Variants in EXOC4 observed in about 807,000 individuals in gnomAD.
EXOC4 encodes exocyst complex component 4, also known as SEC8-like 1.
Under a neutral mutation model 107.2 loss-of-function variants are expected in EXOC4, and 71 were observed. The observed-to-expected ratio is 0.66, with a 90% CI of 0.55 to 0.81. The LOEUF is 0.81. Among genes scored for constraint, EXOC4 ranks in the 30% least tolerant of loss-of-function variants. EXOC4 has a pLI of 0.00. For missense variants in EXOC4, 1,108 were observed against 1,189.6 expected (o/e 0.93, Z 1.01); for synonymous variants, 456 against 441.2 (o/e 1.03, Z -0.42).
chr7:133,383,284 A>G (rs1274347571), intron 7 of EXOC4, among the ~76,000 whole-genome samples: 1 of 152,106 alleles, frequency 6.6e-6, no homozygotes, highest in African/African-American at 2.4e-5. Flanking sequence ...TTTTTTTCAC[A>G]TCTCATTTCA....
At chr7:133,654,527 T>C (rs1585056995) in intron 10 of EXOC4, among the ~76,000 whole-genome samples, 1 of 152,116 alleles carries the variant, frequency 6.6e-6, no homozygotes, top group East Asian at 1.9e-4. Context: ...GATTAACACT[T>C]TTAGAGGATC....
rs560299833 is a variant in EXOC4 at position 133,788,071 on chromosome 7, C to T, written c.1515-29254C>T. Among the ~76,000 whole-genome samples the T allele has an allele frequency of 2.9e-5, 4 of 138,934 alleles. No individual in the cohort carries two copies. The South Asian group carries it at 9.3e-4, about 32-fold the overall frequency. 91.1% of individuals were successfully genotyped at this position (138,934 alleles called of 152,430 possible). On this transcript the variant is annotated intron_variant, in intron 10 of 17. Coordinates refer to ENST00000253861, the MANE Select transcript of EXOC4 (RefSeq NM_021807.4). ...GTTCATATAGCTTCTAAACACTGCACTTGCTGGGTTCTTGGTTGGTTCTTC... is the reference window on the plus strand; with the variant it reads ...GTTCATATAGCTTCTAAACACTGCATTTGCTGGGTTCTTGGTTGGTTCTTC...
At chr7:133,521,340 C>T (rs1799973926) in intron 9 of EXOC4, among the ~76,000 whole-genome samples, 1 of 152,032 alleles carries the variant, frequency 6.6e-6, no homozygotes, top group African/African-American at 2.4e-5. Context: ...AATTTTTCTT[C>T]CATGATTTTC....
chr7:134,009,458 T>C (rs1199638362), intron 17 of EXOC4, among the ~76,000 whole-genome samples: 1 of 152,176 alleles, frequency 6.6e-6, no homozygotes, highest in African/African-American at 2.4e-5. Flanking sequence ...TTTCTGTCCT[T>C]CTCCTTCCCT....
At chr7:133,432,078 A>G (rs896919373) in intron 7 of EXOC4, among the ~76,000 whole-genome samples, 2 of 152,208 alleles carry the variant, frequency 1.3e-5, no homozygotes, top group African/African-American at 2.4e-5. Context: ...AGGGAGGATC[A>G]TAAGTCTACT....
chr7:133,866,836 A>C (rs1334371208), intron 11 of EXOC4, among the ~76,000 whole-genome samples: 1 of 152,220 alleles, frequency 6.6e-6, no homozygotes, highest in African/African-American at 2.4e-5. Flanking sequence ...CAATCAAGCT[A>C]ACTAACACAT....
chr7:134,008,823 G>T (rs1044292424), intron 17 of EXOC4, among the ~76,000 whole-genome samples: 2 of 151,842 alleles, frequency 1.3e-5, no homozygotes, highest in South Asian at 2.1e-4. Context: ...TAGAGACAGG[G>T]TCTCACTATG....
chr7:133,631,499 A>T (rs934844774), intron 10 of EXOC4, among the ~76,000 whole-genome samples: 1 of 152,098 alleles, frequency 6.6e-6, no homozygotes, highest in East Asian at 1.9e-4. Context: ...ATACAAAAAC[A>T]TAAATATGTA....
rs905983569 is a variant in EXOC4 at position 133,735,852 on chromosome 7, C to T, written c.1515-81473C>T. 8.5e-5 allele frequency among the ~76,000 whole-genome samples: 13 copies of T among 152,076 alleles called. No homozygotes were observed. The East Asian group carries it at 9.7e-4, about 11-fold the overall frequency. ...CTGTAATCTCAGCACCTTGGGAGGC[C>T]GAGGCAGGCAGATCACTTGAGGTTA... On this transcript the variant is annotated intron_variant, in intron 10 of 17. Transcript: ENST00000253861.
intron 2 of EXOC4, among the ~76,000 whole-genome samples, chr7:133,277,826 C>A (rs1794032803): frequency 6.6e-6 from 1 of 152,190 alleles, no homozygotes; most frequent in African/African-American, 2.4e-5. Flanking sequence ...CAGTCCATTT[C>A]TTGTCACCAA....
chr7:133,259,761 T>C (rs1795101548), intron 1 of EXOC4, among the ~76,000 whole-genome samples: 1 of 152,202 alleles, frequency 6.6e-6, no homozygotes, highest in Admixed American at 6.5e-5. Flanking sequence ...CCCTTTTCTA[T>C]GTGAATGTAT....
intron 14 of EXOC4, among the ~76,000 whole-genome samples, chr7:133,984,908 A>G (rs933800298): frequency 6.6e-6 from 1 of 152,200 alleles, no homozygotes; most frequent in Non-Finnish European, 1.5e-5. Flanking sequence ...AGAATAAATT[A>G]TATTCCTCTG....
intron 12 of EXOC4, among the ~76,000 whole-genome samples, chr7:133,901,612 A>G (rs1484336508): frequency 6.6e-6 from 1 of 152,176 alleles, no homozygotes; most frequent in Non-Finnish European, 1.5e-5. Context: ...AAAATTGTCA[A>G]TCTTTTATAA....
At position 133,554,962 on chromosome 7, in the gene EXOC4, A is replaced by G. The variant is rs148534897; in HGVS notation, c.1417+74824A>G. ...GGTATAGCAGCATGTCATGATTTCTATGGATAGAAAATATTGGGGAAAGCA... is the reference window on the plus strand; with the variant it reads ...GGTATAGCAGCATGTCATGATTTCTGTGGATAGAAAATATTGGGGAAAGCA... On this transcript the variant is annotated intron_variant, in intron 9 of 17. Transcript: ENST00000253861. Among the ~76,000 whole-genome samples the G allele has an allele frequency of 6.2e-3, 946 of 152,296 alleles. 10 individuals are homozygous for G. Among genetic ancestry groups the G allele is most frequent in the African/African-American group, 0.022 (896 of 41,562 alleles).
chr7:133,503,448 A>G lies in EXOC4; in HGVS notation c.1417+23310A>G, dbSNP rs572099354. ...AGCCTATCATTCTTGCAATCCTACT[A>G]TGGATTCTCAGCTTTATTTGTCAGT... On this transcript the variant is annotated intron_variant, in intron 9 of 17. Transcript: ENST00000253861. Among the ~76,000 whole-genome samples the G allele has an allele frequency of 1.3e-4, 20 of 152,208 alleles. No homozygotes were observed. The South Asian group carries it at 3.3e-3, about 25-fold the overall frequency.
chr7:133,678,152 C>T (rs1285816681), intron 10 of EXOC4, among the ~76,000 whole-genome samples: 4 of 152,176 alleles, frequency 2.6e-5, no homozygotes, highest in Non-Finnish European at 5.9e-5. Context: ...AAATAGCCTT[C>T]TCTTGTTAGA....
intron 11 of EXOC4, among the ~76,000 whole-genome samples, chr7:133,822,221 A>C (rs1333748377): frequency 6.6e-6 from 1 of 152,246 alleles, no homozygotes; most frequent in East Asian, 1.9e-4. Context: ...GAAACAGTCC[A>C]TTGAAGTGGA....
At chr7:133,934,124 T>G (rs1396059747) in intron 13 of EXOC4, among the ~76,000 whole-genome samples, 1 of 152,212 alleles carries the variant, frequency 6.6e-6, no homozygotes, top group Non-Finnish European at 1.5e-5. Flanking sequence ...TTTATATACA[T>G]AATTCCTAAT....
chr7:134,078,317 C>T, the EXOC4 span, among the ~76,000 whole-genome samples: 2 of 151,048 alleles, frequency 1.3e-5, no homozygotes, highest in Non-Finnish European at 2.9e-5. Context: ...TAATAGTTAA[C>T]TATATATAAT....
Sources: gnomAD v4.1 joint callset for allele counts (sites outside exome capture counted in the v4.1 genomes callset) on GRCh38, gnomAD v4.1.1 for gene constraint, MANE v1.5 for transcripts, NCBI Gene and HGNC (gene_info 2026-07-23, HGNC 2026-07-21) for gene names.